Variants in AGMAT observed in about 807,000 individuals in gnomAD.
AGMAT encodes guanidino acid hydrolase, mitochondrial.
In AGMAT, 37 loss-of-function variants were observed where a neutral mutation model predicts 29.3. The ratio of observed to expected loss-of-function variants is 1.26; its 90% CI spans 0.97 to 1.66. The LOEUF (loss-of-function observed/expected upper bound fraction) is 1.66, where lower values mean the gene tolerates loss of function less well. Ranked by LOEUF, AGMAT falls within the 40% of genes most tolerant of loss-of-function variation. AGMAT has a pLI of 0.00. For missense variants in AGMAT, 498 were observed against 497.8 expected, an observed-to-expected ratio of 1.00 and a Z score of 0.00; for synonymous variants, 199 against 200.8, an observed-to-expected ratio of 0.99 and a Z score of 0.08.
chr1:15,583,376 G>A lies in AGMAT; in HGVS notation c.292C>T (p.Arg98Trp), dbSNP rs376557635. ...GTCCCAAGCATCACTGATTCTTCCCGGATGCGGCGAGGTCCGAATCTGCAG... is the reference window on the plus strand; with the variant it reads ...GTCCCAAGCATCACTGATTCTTCCCAGATGCGGCGAGGTCCGAATCTGCAG... ...PGARFGPRRI[R>W]EESVMLGTVN... The change falls in exon 2 of 7, where the codon CGG becomes TGG. Residue 98 changes from arginine to tryptophan, a missense_variant. Physicochemically the swap from Arg to Trp is moderately radical, Grantham distance 101. Transcript: ENST00000375826. 9 of 1,613,628 alleles carry A rather than the reference G, an allele frequency of 5.6e-6. No individual in the cohort carries two copies. The highest frequency in any genetic ancestry group is 3.3e-5 in the South Asian group (3 of 91,014).
Position 15,578,932 on chromosome 1 carries a change from C to G in AGMAT, c.647G>C (p.Cys216Ser), listed in dbSNP as rs377410185. 1 of 1,614,188 alleles carries G rather than the reference C, an allele frequency of 6.2e-7. No individual in the cohort carries two copies. The highest frequency in any genetic ancestry group is 1.3e-5 in the African/African-American group (1 of 75,044). Reference protein sequence around the residue: ...RRCVDEGLLDCKRVVQIGIRG... With the variant: ...RRCVDEGLLDSKRVVQIGIRG... The stretch of plus-strand genomic sequence containing the variant: ...GATGCCAATCTGCACCACACGCTTA[C>G]AGTCCAGGAGACCCTCATCCACACA... Residue 216 changes from cysteine to serine, a missense_variant, in exon 4 of 7, where the codon TGT becomes TCT. By Grantham distance (112) the Cys-to-Ser change is moderately radical. Coordinates refer to ENST00000375826, the MANE Select transcript of AGMAT (RefSeq NM_024758.5).
At chr1:15,578,053 T>G (rs1639063070) in intron 4 of AGMAT, among the ~76,000 whole-genome samples, 189 bp from the exon 5 acceptor site, 1 of 152,224 alleles carries the variant, frequency 6.6e-6, no homozygotes, top group South Asian at 2.1e-4. Flanking sequence ...CAAAGCTGAC[T>G]GATGGAGTTG....
At chr1:15,576,732 T>G (rs1639043286) in intron 5 of AGMAT, among the ~76,000 whole-genome samples, 1 of 133,352 alleles carries the variant, frequency 7.5e-6, no homozygotes. Context: ...CTGGCCAAGT[T>G]TAGTGTTCTT....
At chr1:15,573,985 A>G (rs1638996839) in intron 6 of AGMAT, among the ~76,000 whole-genome samples, 1 of 152,202 alleles carries the variant, frequency 6.6e-6, no homozygotes, top group Non-Finnish European at 1.5e-5. Flanking sequence ...AGAACCTATA[A>G]TAATGATGTG....
chr1:15,583,253 G>A lies in AGMAT; in HGVS notation c.415C>T (p.Arg139Trp), dbSNP rs190285161. 16 of 1,614,096 alleles carry A rather than the reference G, an allele frequency of 9.9e-6. No individual in the cohort carries two copies. The East Asian group carries it at 1.3e-4, about 13-fold the overall frequency. Residue 139 changes from arginine (R) to tryptophan (W), a missense_variant, in exon 2 of 7, where the codon CGG (arginine) becomes TGG (tryptophan). Coordinates refer to ENST00000375826, the MANE Select transcript of AGMAT (RefSeq NM_024758.5). ...VNLYNLQDSC[R>W]RIQEAYEKIV... ...TTCTCATAGGCCTCTTGAATTCGCC[G>A]GCAGCTGTCCTGAAGGTTGTAAAGA...
intron 3 of AGMAT, among the ~76,000 whole-genome samples, chr1:15,579,884 G>A (rs1009913822): frequency 1.3e-5 from 2 of 152,184 alleles, no homozygotes; most frequent in Admixed American, 6.5e-5. Context: ...TAGGGCAAGG[G>A]AGGGTGGCCA....
chr1:15,572,574 G>C lies in AGMAT; in HGVS notation c.*1077C>G, dbSNP rs1452764054. The C allele has an allele frequency of 1.3e-5, 2 of 151,630 alleles. No individual in the cohort carries two copies. Among genetic ancestry groups the C allele is most frequent in the Non-Finnish European group, 1.5e-5 (1 of 67,954 alleles). 9.4% of individuals were successfully genotyped at this position (151,630 alleles called of 1,614,324 possible). A position where few individuals can be genotyped will look rare whatever the true frequency, so the allele number is the denominator to read the frequency against. ...GGGTTTTCACCATGTTGGCCAGGCT[G>C]GTCTCGAACTCCTGACCTCAAGTGA... On this transcript the variant is annotated 3_prime_UTR_variant, in exon 7 of 7. Coordinates refer to ENST00000375826, the MANE Select transcript of AGMAT (RefSeq NM_024758.5).
intron 5 of AGMAT, chr1:15,575,769 ATTTT>A (rs1158081820): frequency 2.7e-5 from 4 of 148,658 alleles, no homozygotes; most frequent in Non-Finnish European, 4.4e-5. Flanking sequence ...TTATTTATTT[ATTTT>A]TGAGACAGGG....
Position 15,577,810 on chromosome 1 carries a change from T to C in AGMAT, c.775A>G (p.Met259Val). Residue 259 changes from methionine to valine, a missense_variant, in exon 5 of 7, where the codon ATG becomes GTG. Coordinates refer to ENST00000375826, the MANE Select transcript of AGMAT (RefSeq NM_024758.5). Reference sequence around the variant, plus strand: ...CCCATCTGCTGCCTGACTTCCCCCATCAGAGGAACCAGCGACTTCATCCAG... The same window carrying C: ...CCCATCTGCTGCCTGACTTCCCCCACCAGAGGAACCAGCGACTTCATCCAG... ...DCWMKSLVPL[M>V]GEVRQQMGGK... 1 of 1,614,122 alleles carries C rather than the reference T, an allele frequency of 6.2e-7. No individual in the cohort carries two copies. The highest frequency in any genetic ancestry group is 8.5e-7 in the Non-Finnish European group (1 of 1,180,016).
In AGMAT at chr1:15,573,356, A is replaced by C; in HGVS notation, c.*295T>G. On this transcript the variant is annotated 3_prime_UTR_variant, in exon 7 of 7. Transcript: ENST00000375826. Reference sequence around the variant, plus strand: ...AATGTCATGTTTCTAATGTTTAGATAATCTTGAAAGAAATTCTCCTCACTT... The same window carrying C: ...AATGTCATGTTTCTAATGTTTAGATCATCTTGAAAGAAATTCTCCTCACTT... 3.2e-6 allele frequency: 1 copy of C among 311,480 alleles called. No individual in the cohort carries two copies. The highest frequency in any genetic ancestry group is 5.9e-5 in the East Asian group (1 of 17,076). 19.3% of individuals were successfully genotyped at this position (311,480 alleles called of 1,614,324 possible).
Position 15,573,736 on chromosome 1 carries a change from T to C in AGMAT, c.986-12A>G. ...CAGGGCTGTGTTCCCTAAGAAAAAG[T>C]AAAACCTCACATGAATACCCTGCAG... On this transcript the variant is annotated splice_polypyrimidine_tract_variant and intron_variant, in intron 6 of 6. Coordinates refer to ENST00000375826, the MANE Select transcript of AGMAT (RefSeq NM_024758.5). The C allele has an allele frequency of 6.2e-7, 1 of 1,613,346 alleles. No individual in the cohort carries two copies.
At chr1:15,577,571 TCAAA>T (rs761806057) in intron 5 of AGMAT, 110 bp downstream of exon 5, 53 of 1,202,010 alleles carry the variant, frequency 4.4e-5, no homozygotes, top group Middle Eastern at 2.9e-4. Context: ...AGACTCCGTC[TCAAA>T]CAAACAAACA....
At position 15,577,677 on chromosome 1, in the gene AGMAT, C is replaced by G; in HGVS notation, c.900+8G>C. On this transcript the variant is annotated splice_region_variant and intron_variant, in intron 5 of 6. Transcript: ENST00000375826. ...CCCCCAGGATCTTCACTGGTGGAATCTCCTTACCTGACTAGGAGTGAGACC... is the reference window on the plus strand; with the variant it reads ...CCCCCAGGATCTTCACTGGTGGAATGTCCTTACCTGACTAGGAGTGAGACC... 1 of 1,609,800 alleles carries G rather than the reference C, an allele frequency of 6.2e-7. No homozygotes were observed. Among genetic ancestry groups the G allele is most frequent in the Non-Finnish European group, 8.5e-7 (1 of 1,176,756 alleles).
rs943207500 is a variant in AGMAT, at chr1:15,584,833, G to C, written c.135C>G (p.Pro45=). Residue 45 remains proline (P), a synonymous_variant, in exon 1 of 7, where the codon CCC becomes CCG. Transcript: ENST00000375826. ...CCGGCCGGGCCACGAACTCGGGGCT[G>C]GGGGGCTGGTTCCGGGGCGCGTCGG... is the stretch of plus-strand genomic sequence containing the variant. ...QASDAPRNQP[P]SPEFVARPVG... is the part of the protein sequence containing the mutation. 2 of 1,430,780 alleles carry C rather than the reference G, an allele frequency of 1.4e-6. No individual in the cohort carries two copies. The highest frequency in any genetic ancestry group is 1.5e-5 in the African/African-American group (1 of 67,642). The allele number at this position is 1,430,780 out of a possible 1,614,324, so 88.6% of individuals were successfully genotyped here.
At chr1:15,579,088 T>A in intron 3 of AGMAT, 34 bp from the exon 4 acceptor site, 2 of 1,599,052 alleles carry the variant, frequency 1.3e-6, no homozygotes, top group Non-Finnish European at 1.7e-6. Context: ...AGGCCAACCC[T>A]CCCTGTGGGG....
At chr1:15,582,573 T>C (rs1204726578) in intron 2 of AGMAT, among the ~76,000 whole-genome samples, 1 of 152,200 alleles carries the variant, frequency 6.6e-6, no homozygotes, top group Non-Finnish European at 1.5e-5. Context: ...TTTAAGTATT[T>C]GTGAACAAGA....
At position 15,571,874 on chromosome 1, in the gene AGMAT, G is replaced by A. The variant is rs1400334862; in HGVS notation, c.*1777C>T. 6.6e-6 allele frequency: 1 copy of A among 152,138 alleles called. No individual in the cohort carries two copies. Among genetic ancestry groups the A allele is most frequent in the Non-Finnish European group, 1.5e-5 (1 of 68,010 alleles). 9.4% of individuals were successfully genotyped at this position (152,138 alleles called of 1,614,324 possible). A position where few individuals can be genotyped will look rare whatever the true frequency, so the allele number is the denominator to read the frequency against. Reference sequence around the variant, plus strand: ...ATTTCAGGAATTACAGTCATAGAGGGTACATCAACTTGAAGAGTAGATTGA... The same window carrying A: ...ATTTCAGGAATTACAGTCATAGAGGATACATCAACTTGAAGAGTAGATTGA... On this transcript the variant is annotated 3_prime_UTR_variant, in exon 7 of 7. Transcript: ENST00000375826.
At chr1:15,584,121 G>C (rs1206699946) in intron 1 of AGMAT, among the ~76,000 whole-genome samples, 3 of 152,192 alleles carry the variant, frequency 2.0e-5, no homozygotes, top group Admixed American at 1.3e-4. Flanking sequence ...GGGACACAGA[G>C]AAGGTTCAGG....
intron 2 of AGMAT, 59 bp from the exon 3 acceptor site, chr1:15,580,201 C>CTTTTTT (rs34166013): frequency 9.5e-5 from 54 of 569,042 alleles, no homozygotes; most frequent in African/African-American, 2.6e-4. Flanking sequence ...ATAGAATAAT[C>CTTTTTT]TTTTTTTTTT....
Sources: allele counts gnomAD v4.1 joint callset (sites outside exome capture counted in the v4.1 genomes callset), GRCh38; gene constraint gnomAD v4.1.1; transcripts MANE v1.5; gene names NCBI Gene and HGNC (gene_info 2026-07-23, HGNC 2026-07-21).